DCAF8L2: variants seen among roughly 807,000 people sequenced by gnomAD.
DCAF8L2 encodes the protein DDB1 and CUL4 associated factor 8 like 2.
For synonymous variants in DCAF8L2, 200 were observed against 190.9 expected (o/e 1.05, Z -0.39); for missense variants, 430 against 490.7 (o/e 0.88, Z 1.17).
At chrX:27,548,600 A>G in the DCAF8L2 span, among the ~76,000 whole-genome samples, 3 of 112,053 alleles carry the variant, frequency 2.7e-5, no homozygotes, top group Middle Eastern at 4.6e-3. Flanking sequence ...GGTGTGGGGA[A>G]AAATGAGGAT....
chrX:27,496,366 G>A, the DCAF8L2 span, among the ~76,000 whole-genome samples: 84 of 111,560 alleles, frequency 7.5e-4, no homozygotes, highest in Non-Finnish European at 1.1e-3. Context: ...AAATTATGTC[G>A]TTGCATGAGA....
intron 4 of DCAF8L2, among the ~76,000 whole-genome samples, chrX:27,719,084 G>T (rs1931800290): frequency 9.0e-6 from 1 of 111,505 alleles, no homozygotes; most frequent in South Asian, 3.7e-4. Context: ...TCTAGGAGTG[G>T]AACTTCTGGG....
chrX:27,604,389 G>A (rs934924495), intron 1 of DCAF8L2, among the ~76,000 whole-genome samples: 1 of 110,826 alleles, frequency 9.0e-6, no homozygotes, highest in African/African-American at 3.3e-5. Context: ...ATGGTAGCAG[G>A]CCATTTCCAG....
intron 3 of DCAF8L2, among the ~76,000 whole-genome samples, chrX:27,691,251 T>C (rs1017095118): frequency 3.6e-5 from 4 of 111,827 alleles, no homozygotes; most frequent in African/African-American, 1.3e-4. Context: ...TTATTTTTTA[T>C]GTTAAATAGA....
chrX:27,670,119 T>G (rs1327320090), intron 2 of DCAF8L2, among the ~76,000 whole-genome samples: 1 of 96,675 alleles, frequency 1.0e-5, no homozygotes, highest in African/African-American at 3.4e-5. Context: ...TTTTTTTGTT[T>G]GTTTTTTTTT....
the DCAF8L2 span, chrX:27,517,831 G>T: frequency 2.8e-6 from 3 of 1,078,060 alleles, no homozygotes; most frequent in African/African-American, 5.5e-5. Flanking sequence ...GCAGAGTCTT[G>T]TACTTATCAC....
intron 2 of DCAF8L2, among the ~76,000 whole-genome samples, chrX:27,670,120 G>GTT (rs201417914): frequency 2.4e-4 from 24 of 100,260 alleles, no homozygotes; most frequent in East Asian, 1.9e-3. Flanking sequence ...TTTTTTGTTT[G>GTT]TTTTTTTTTT....
At chrX:27,510,981 C>A in the DCAF8L2 span, among the ~76,000 whole-genome samples, 3 of 110,885 alleles carry the variant, frequency 2.7e-5, no homozygotes, top group Non-Finnish European at 5.7e-5. Flanking sequence ...TCCTTAGTAT[C>A]ATCACAAGCA....
At chrX:27,506,745 G>T in the DCAF8L2 span, among the ~76,000 whole-genome samples, 1 of 111,299 alleles carries the variant, frequency 9.0e-6, no homozygotes, top group East Asian at 2.8e-4. Flanking sequence ...CTGCAGTGCA[G>T]TGGCGCAATC....
At chrX:27,668,896 C>A (rs1390493442) in intron 2 of DCAF8L2, among the ~76,000 whole-genome samples, 1 of 108,502 alleles carries the variant, frequency 9.2e-6, no homozygotes. Context: ...GATCGTGCCA[C>A]TGCACTCCAG....
the DCAF8L2 span, among the ~76,000 whole-genome samples, chrX:27,497,861 T>C: frequency 1.8e-5 from 2 of 112,097 alleles, no homozygotes; most frequent in Non-Finnish European, 3.8e-5. Flanking sequence ...GCCACCGCAC[T>C]CGGCCTCTGC....
chrX:27,473,200 T>A, the DCAF8L2 span, among the ~76,000 whole-genome samples: 5 of 112,348 alleles, frequency 4.5e-5, no homozygotes, highest in African/African-American at 1.3e-4. Context: ...GAAAAACCAT[T>A]TCTAAATTTT....
At chrX:27,518,981 T>G in the DCAF8L2 span, 11 of 675,943 alleles carry the variant, frequency 1.6e-5, no homozygotes, top group Non-Finnish European at 2.4e-5. Flanking sequence ...CATCTGAGAA[T>G]CCATAAGGGG....
Position 27,748,641 on chromosome X carries a change from C to A in DCAF8L2, c.1746C>A (p.Phe582Leu). 1 of 1,199,435 alleles carries A rather than the reference C, an allele frequency of 8.3e-7. No individual in the cohort carries two copies. Among genetic ancestry groups the A allele is most frequent in the Non-Finnish European group, 1.1e-6 (1 of 888,321 alleles). The change falls in exon 5 of 5, where the codon TTC becomes TTA. Residue 582 changes from phenylalanine (F) to leucine (L), a missense_variant. Coordinates refer to ENST00000451261, the MANE Select transcript of DCAF8L2 (RefSeq NM_001353450.2). The part of the protein sequence containing the change: ...GSLFDQYMLW[F>L]LLRHVTQRGR... ...TGTTTGACCAGTACATGCTTTGGTT[C>A]CTCCTGCGTCACGTGACGCAGAGAG... is the stretch of plus-strand genomic sequence containing the variant.
chrX:27,660,660 G>A (rs1344721323), intron 2 of DCAF8L2, among the ~76,000 whole-genome samples: 1 of 112,123 alleles, frequency 8.9e-6, no homozygotes, highest in African/African-American at 3.2e-5. Context: ...GTGATGGAGG[G>A]ATTGGGCCTT....
the DCAF8L2 span, among the ~76,000 whole-genome samples, chrX:27,474,486 G>A: frequency 7.8e-4 from 87 of 111,379 alleles, no homozygotes; most frequent in Non-Finnish European, 1.3e-3. Flanking sequence ...GCTGTATCAG[G>A]CACTAGTAAT....
the DCAF8L2 span, chrX:27,517,878 T>A: frequency 9.1e-7 from 1 of 1,094,354 alleles, no homozygotes; most frequent in East Asian, 3.0e-5. Context: ...AGAACATCAT[T>A]TTGTGCCCAA....
chrX:27,728,475 A>G (rs1423242259), intron 4 of DCAF8L2, among the ~76,000 whole-genome samples: 2 of 111,048 alleles, frequency 1.8e-5, no homozygotes, highest in Non-Finnish European at 3.8e-5. Flanking sequence ...ACATCTCACC[A>G]TCCTATTTAA....
intron 4 of DCAF8L2, among the ~76,000 whole-genome samples, chrX:27,745,887 T>A (rs1602820016): frequency 8.9e-6 from 1 of 112,181 alleles, no homozygotes; most frequent in South Asian, 3.7e-4. Context: ...TGTAAAAGAC[T>A]TTATAGTTCT....
Sources: gnomAD v4.1 joint callset for allele counts (sites outside exome capture counted in the v4.1 genomes callset) on GRCh38, gnomAD v4.1.1 for gene constraint, MANE v1.5 for transcripts, NCBI Gene and HGNC (gene_info 2026-07-23, HGNC 2026-07-21) for gene names.